Variants in EFEMP1 observed in about 807,000 individuals in gnomAD.
EFEMP1 encodes the protein EGF-containing fibulin-like extracellular matrix protein 1.
A neutral mutation model predicts 65.7 loss-of-function variants in EFEMP1; 18 were observed. The observed-to-expected ratio is 0.27, with a 90% confidence interval of 0.19 to 0.41. The LOEUF (loss-of-function observed/expected upper bound fraction) is 0.41, where lower values mean the gene tolerates loss of function less well. Ranked by LOEUF, EFEMP1 falls within the 10% of genes least tolerant of loss-of-function variation. The pLI is 1.00. For missense variants in EFEMP1, 469 were observed against 624.8 expected (o/e 0.75, Z 2.66); for synonymous variants, 237 against 219.7 (o/e 1.08, Z -0.70).
In EFEMP1 at chr2:55,922,654, C is replaced by G. The variant is rs1670946161; in HGVS notation, c.-7-207G>C. 1 of 568,496 alleles carries G rather than the reference C, an allele frequency of 1.8e-6. No individual in the cohort carries two copies. The highest frequency in any genetic ancestry group is 2.7e-5 in the Admixed American group (1 of 36,772). The allele number at this position is 568,496 out of a possible 1,614,324, so 35.2% of individuals were successfully genotyped here. On this transcript the variant is annotated intron_variant, in intron 2 of 11. Coordinates refer to ENST00000355426, the MANE Select transcript of EFEMP1 (RefSeq NM_001039348.3). The surrounding 1 kb of genome is among the most constrained non-coding windows in gnomAD (Gnocchi z 5.5). ...CGAGGCAGCAAAGACGTAAAAACTG[C>G]TGTAGAATTGCATTTCACGTTACTC...
rs1199654738 is a variant in EFEMP1 at position 55,923,143 on chromosome 2, C to T, written c.-48-204G>A. ...TGCGCACAGCTTTGTTTAAAAGTCC[C>T]AGGTTGTGTGGAGGGGCAGCCCAAA... is the stretch of plus-strand genomic sequence containing the variant. On this transcript the variant is annotated intron_variant, in intron 1 of 11. Transcript: ENST00000355426. This position sits in a 1 kb window ranked among gnomAD's most constrained non-coding sequence, Gnocchi z 5.3. Among the ~76,000 whole-genome samples, 1 of 152,160 alleles carries T rather than the reference C, an allele frequency of 6.6e-6. No homozygotes were observed. Among genetic ancestry groups the T allele is most frequent in the East Asian group, 1.9e-4 (1 of 5,174 alleles).
At chr2:55,901,507 C>T (rs1160826272) in intron 5 of EFEMP1, among the ~76,000 whole-genome samples, 2 of 152,312 alleles carry the variant, frequency 1.3e-5, no homozygotes, top group Admixed American at 6.5e-5. Context: ...CCAGGTTCTT[C>T]TTTGCCTGTG....
chr2:55,910,259 T>C (rs1260077343), intron 5 of EFEMP1, among the ~76,000 whole-genome samples: 4 of 152,210 alleles, frequency 2.6e-5, no homozygotes, highest in African/African-American at 9.6e-5. Flanking sequence ...CCTGCAATTC[T>C]TTTTAAATTT....
chr2:55,916,594 C>T (rs1369383206), intron 5 of EFEMP1, among the ~76,000 whole-genome samples: 1 of 152,220 alleles, frequency 6.6e-6, no homozygotes, highest in Admixed American at 6.5e-5. Flanking sequence ...CTTCCTTACA[C>T]ATGACCAGTT....
At chr2:55,874,738 A>G (rs1043275976) in intron 9 of EFEMP1, among the ~76,000 whole-genome samples, 5 of 152,034 alleles carry the variant, frequency 3.3e-5, no homozygotes, top group African/African-American at 1.2e-4. Context: ...AAAATTATTT[A>G]TCTTTTAAGG....
At chr2:55,868,240 G>C (rs958813349) in intron 11 of EFEMP1, among the ~76,000 whole-genome samples, 1 of 152,166 alleles carries the variant, frequency 6.6e-6, no homozygotes, top group Non-Finnish European at 1.5e-5. Context: ...GGTGTTGATT[G>C]AATTAATTTA....
intron 11 of EFEMP1, among the ~76,000 whole-genome samples, chr2:55,869,178 T>C (rs578024553): frequency 2.0e-5 from 3 of 152,262 alleles, no homozygotes; most frequent in African/African-American, 2.4e-5. Flanking sequence ...CCATGTTTAA[T>C]TGCAAAGAAA....
At chr2:55,918,632 A>G (rs1056703179) in intron 3 of EFEMP1, among the ~76,000 whole-genome samples, 1 of 150,282 alleles carries the variant, frequency 6.7e-6, no homozygotes, top group African/African-American at 2.4e-5. Flanking sequence ...AAAAGACCAA[A>G]TTCTCTCTCT....
chr2:55,869,684 A>C (rs1572778426), intron 11 of EFEMP1, among the ~76,000 whole-genome samples: 3 of 152,318 alleles, frequency 2.0e-5, no homozygotes, highest in African/African-American at 7.2e-5. Flanking sequence ...TCTCAAAATG[A>C]AATATTGGCT....
rs756406707 is a variant in EFEMP1, at chr2:55,922,794, AG to A, written c.-8+104del. On this transcript the variant is annotated intron_variant, in intron 2 of 11. Transcript: ENST00000355426. The surrounding 1 kb of genome is among the most constrained non-coding windows in gnomAD (Gnocchi z 5.5). ...AGGAAAAAACAGTAATCCATTTCAA[AG>A]GGGACGGTGCATTTCCTGCCCCCCA... The A allele has an allele frequency of 2.6e-5, 23 of 881,222 alleles. No homozygotes were observed. Among genetic ancestry groups the A allele is most frequent in the Non-Finnish European group, 2.7e-5 (18 of 663,994 alleles). 54.6% of individuals were successfully genotyped at this position (881,222 alleles called of 1,614,324 possible). A position where few individuals can be genotyped will look rare whatever the true frequency, so the allele number is the denominator to read the frequency against.
chr2:55,895,716 T>C (rs187613415), intron 5 of EFEMP1, among the ~76,000 whole-genome samples: 201 of 151,960 alleles, frequency 1.3e-3, no homozygotes, highest in Admixed American at 2.4e-3. Flanking sequence ...TAATTTTTTG[T>C]ATTTTTAGTA....
At chr2:55,887,950 A>G (rs977173920) in intron 5 of EFEMP1, among the ~76,000 whole-genome samples, 4 of 152,194 alleles carry the variant, frequency 2.6e-5, no homozygotes, top group Admixed American at 2.0e-4. Flanking sequence ...TGCATTGCAA[A>G]TGGACCCCCC....
At chr2:55,872,288 T>C (rs963695043) in intron 9 of EFEMP1, among the ~76,000 whole-genome samples, 7 of 152,140 alleles carry the variant, frequency 4.6e-5, no homozygotes, top group Non-Finnish European at 8.8e-5. Context: ...TGCTGGGATA[T>C]GATCTCTTTT....
Position 55,923,684 on chromosome 2 carries a change from G to A in EFEMP1, c.-49+27C>T, listed in dbSNP as rs899457130. The stretch of plus-strand genomic sequence containing the variant: ...GCCCAGTGAGTACTGGGCTCGCTCG[G>A]GGCGACCCCCCGTTGGGGGCTCCTA... On this transcript the variant is annotated intron_variant, in intron 1 of 11. Transcript: ENST00000355426. This position sits in a 1 kb window ranked among gnomAD's most constrained non-coding sequence, Gnocchi z 5.3. 6 of 985,680 alleles carry A rather than the reference G, an allele frequency of 6.1e-6. No individual in the cohort carries two copies. The highest frequency in any genetic ancestry group is 7.2e-6 in the Non-Finnish European group (6 of 830,338). 61.1% of individuals were successfully genotyped at this position (985,680 alleles called of 1,614,324 possible).
At chr2:55,907,366 G>A (rs1444509344) in intron 5 of EFEMP1, among the ~76,000 whole-genome samples, 1 of 152,166 alleles carries the variant, frequency 6.6e-6, no homozygotes, top group Admixed American at 6.5e-5. Context: ...GCCTACGTAG[G>A]CAGGTTTCTA....
Position 55,887,059 on chromosome 2 carries a change from T to C in EFEMP1, c.518-5325A>G, listed in dbSNP as rs188645128. 1.1e-3 allele frequency among the ~76,000 whole-genome samples: 174 copies of C among 152,204 alleles called. 1 individual carries two copies. Among genetic ancestry groups the C allele is most frequent in the African/African-American group, 3.7e-3 (155 of 41,548 alleles). On this transcript the variant is annotated intron_variant, in intron 5 of 11. Transcript: ENST00000355426. ...CAATATAAAAAGATCTATTATTTGA[T>C]TGGGAAGGCAGAATTACAAAGCTTC...
Position 55,918,259 on chromosome 2 carries a change from A to G in EFEMP1, c.90T>C (p.Thr30=), listed in dbSNP as rs1292577951. 2 of 1,614,224 alleles carry G rather than the reference A, an allele frequency of 1.2e-6. No individual in the cohort carries two copies. Among genetic ancestry groups the G allele is most frequent in the East Asian group, 2.2e-5 (1 of 44,886 alleles). ...TCACAGGATCCCACTCATATCCGTC[A>G]GTGCATTGCTGTGAAGAAAACATCA... is the stretch of plus-strand genomic sequence containing the variant. The part of the protein sequence containing the change: ...TEETITYTQC[T]DGYEWDPVRQ... The change falls in exon 4 of 12, where the codon ACT becomes ACC. Residue 30 remains threonine (T), a synonymous_variant. Coordinates refer to ENST00000355426, the MANE Select transcript of EFEMP1 (RefSeq NM_001039348.3).
At chr2:55,905,564 C>T (rs996089078) in intron 5 of EFEMP1, among the ~76,000 whole-genome samples, 10 of 152,152 alleles carry the variant, frequency 6.6e-5, no homozygotes, top group African/African-American at 2.4e-4. Context: ...TCTCCTGTCT[C>T]AGCCTCCTGA....
At position 55,870,977 on chromosome 2, in the gene EFEMP1, T is replaced by G. The variant is rs1411072595; in HGVS notation, c.1124+23A>C. 1 of 1,613,744 alleles carries G rather than the reference T, an allele frequency of 6.2e-7. No homozygotes were observed. The highest frequency in any genetic ancestry group is 2.2e-5 in the East Asian group (1 of 44,878). ...TGGTAAGACCAGAAAATCCTCACTT[T>G]CAAAAGTTCTGATTTTTCTTACTTC... On this transcript the variant is annotated intron_variant, in intron 10 of 11. Transcript: ENST00000355426. The surrounding 1 kb of genome is among the most constrained non-coding windows in gnomAD (Gnocchi z 5.8).
Sources: allele counts gnomAD v4.1 joint callset (sites outside exome capture counted in the v4.1 genomes callset), GRCh38; gene constraint gnomAD v4.1.1; non-coding constraint Gnocchi (gnomAD v3.1); transcripts MANE v1.5; gene names NCBI Gene and HGNC (gene_info 2026-07-23, HGNC 2026-07-21).